Variants in TBC1D32 observed in about 807,000 individuals in gnomAD.
The protein encoded by TBC1D32 is TBC1 domain family member 32, also known as protein broad-minded.
A neutral mutation model predicts 170.3 loss-of-function variants in TBC1D32; 151 were observed. That is an observed-to-expected ratio of 0.89 (90% CI 0.78 to 1.01). The LOEUF is 1.01. Ranked by LOEUF, TBC1D32 falls within the 50% of genes least tolerant of loss-of-function variation. The probability of loss-of-function intolerance (pLI) is 0.00; values close to 1 mark genes in which losing one functional copy is unlikely to be tolerated. For synonymous variants in TBC1D32, 498 were observed against 488.0 expected (o/e 1.02, Z -0.27); for missense variants, 1,464 against 1,457.1 (o/e 1.00, Z -0.08).
Position 121,080,291 on chromosome 6 carries a change from C to T in TBC1D32, c.*480G>A. ...GGAGTACAGTGGCACAATCTTGGCT[C>T]ACTGCAACCTCCGCCTCCCGGGTTC... On this transcript the variant is annotated 3_prime_UTR_variant, in exon 32 of 32. Transcript: ENST00000398212. 4.1e-6 allele frequency: 1 copy of T among 242,996 alleles called. No homozygotes were observed. Among genetic ancestry groups the T allele is most frequent in the South Asian group, 4.0e-5 (1 of 25,114 alleles). The allele number at this position is 242,996 out of a possible 1,614,324, so 15.1% of individuals were successfully genotyped here.
chr6:121,216,919 G>A (rs1287319578), intron 21 of TBC1D32, among the ~76,000 whole-genome samples: 1 of 152,178 alleles, frequency 6.6e-6, no homozygotes, highest in Non-Finnish European at 1.5e-5. Flanking sequence ...TGTTGGGAAA[G>A]ATAAAATAGA....
chr6:121,227,674 A>C (rs1285796542), intron 20 of TBC1D32, among the ~76,000 whole-genome samples: 1 of 152,152 alleles, frequency 6.6e-6, no homozygotes, highest in Non-Finnish European at 1.5e-5. Context: ...TGATCATAAT[A>C]AATGGTCCTT....
At chr6:121,235,306 G>A (rs937877235) in intron 20 of TBC1D32, among the ~76,000 whole-genome samples, 11 of 152,124 alleles carry the variant, frequency 7.2e-5, no homozygotes, top group Non-Finnish European at 1.5e-4. Flanking sequence ...GGGCCATAGA[G>A]TTCCAAAGAG....
intron 24 of TBC1D32, among the ~76,000 whole-genome samples, chr6:121,141,955 T>C (rs1441878710): frequency 2.0e-5 from 3 of 152,226 alleles, no homozygotes; most frequent in Admixed American, 6.5e-5. Context: ...GGAGTTTATC[T>C]AGATAGCTTG....
At chr6:121,274,950 T>A (rs1802020544) in intron 15 of TBC1D32, among the ~76,000 whole-genome samples, 2 of 151,934 alleles carry the variant, frequency 1.3e-5, no homozygotes, top group African/African-American at 4.8e-5. Context: ...CTAAGTACAT[T>A]GAAAATTGTA....
chr6:121,125,236 G>C (rs112909525), intron 26 of TBC1D32, among the ~76,000 whole-genome samples: 1 of 152,166 alleles, frequency 6.6e-6, no homozygotes, highest in Non-Finnish European at 1.5e-5. Flanking sequence ...TACCCATCTA[G>C]AGAACATTCT....
intron 31 of TBC1D32, among the ~76,000 whole-genome samples, chr6:121,084,631 C>T (rs960840904): frequency 6.6e-6 from 1 of 152,010 alleles, no homozygotes; most frequent in African/African-American, 2.4e-5. Flanking sequence ...GAAAGCTATA[C>T]CAATACCTTG....
intron 24 of TBC1D32, among the ~76,000 whole-genome samples, chr6:121,142,092 A>G (rs1240984476): frequency 6.6e-6 from 1 of 152,232 alleles, no homozygotes; most frequent in Non-Finnish European, 1.5e-5. Context: ...TTAAATCTGT[A>G]CTAAATAAAT....
chr6:121,097,171 G>A (rs189048493), intron 30 of TBC1D32, among the ~76,000 whole-genome samples: 1 of 152,066 alleles, frequency 6.6e-6, no homozygotes, highest in Admixed American at 6.6e-5. Context: ...CAAAAGCAAT[G>A]GCAATAAAAG....
At chr6:121,104,233 A>G (rs952620333) in intron 30 of TBC1D32, among the ~76,000 whole-genome samples, 3 of 151,786 alleles carry the variant, frequency 2.0e-5, no homozygotes, top group African/African-American at 7.2e-5. Flanking sequence ...ATATTTTACT[A>G]TTAAGAAGTC....
chr6:121,129,616 A>G (rs1336838676), intron 25 of TBC1D32, among the ~76,000 whole-genome samples: 1 of 152,214 alleles, frequency 6.6e-6, no homozygotes, highest in African/African-American at 2.4e-5. Flanking sequence ...TGATTTTCCT[A>G]AAATAAACAT....
intron 4 of TBC1D32, among the ~76,000 whole-genome samples, chr6:121,309,497 A>C (rs989193167): frequency 2.0e-5 from 3 of 152,198 alleles, no homozygotes; most frequent in African/African-American, 4.8e-5. Context: ...GGAGTAAATC[A>C]CAACTATTCA....
At chr6:121,300,899 CAAAA>C (rs1697493638) in intron 9 of TBC1D32, among the ~76,000 whole-genome samples, 1 of 152,136 alleles carries the variant, frequency 6.6e-6, no homozygotes, top group Non-Finnish European at 1.5e-5. Flanking sequence ...AGACACTTCT[CAAAA>C]GAAGACATTT....
At chr6:121,160,553 A>G (rs1329331179) in intron 23 of TBC1D32, among the ~76,000 whole-genome samples, 1 of 151,714 alleles carries the variant, frequency 6.6e-6, no homozygotes, top group Non-Finnish European at 1.5e-5. Flanking sequence ...AGAAACCCAT[A>G]CTTGAATACT....
intron 22 of TBC1D32, among the ~76,000 whole-genome samples, chr6:121,168,392 A>G (rs2128249779): frequency 7.5e-6 from 1 of 133,424 alleles, no homozygotes. Context: ...ATAAAAAATG[A>G]TGAGTTCATG....
rs187236988 is a variant in TBC1D32, at chr6:121,150,315, T to A, written c.2773+9695A>T. On this transcript the variant is annotated intron_variant, in intron 24 of 31. Transcript: ENST00000398212. ...TATGTGATGGATTATATTTATTGAT[T>A]TGCATATGTTGAACCAGCCTTGCAT... 2.8e-3 allele frequency among the ~76,000 whole-genome samples: 432 copies of A among 152,354 alleles called. 2 individuals are homozygous for A. Among genetic ancestry groups the A allele is most frequent in the Non-Finnish European group, 4.8e-3 (328 of 68,030 alleles).
At chr6:121,297,039 T>C (rs889205059) in intron 10 of TBC1D32, among the ~76,000 whole-genome samples, 3 of 152,074 alleles carry the variant, frequency 2.0e-5, no homozygotes, top group Non-Finnish European at 4.4e-5. Context: ...TTATACTCTT[T>C]CCCTTATATT....
At chr6:121,135,367 G>C (rs1781939693) in intron 24 of TBC1D32, among the ~76,000 whole-genome samples, 2 of 152,090 alleles carry the variant, frequency 1.3e-5, no homozygotes, top group African/African-American at 4.8e-5. Context: ...CACGATGGAG[G>C]AACTAGGAAT....
intron 29 of TBC1D32, 185 bp downstream of exon 29, chr6:121,112,320 A>C (rs1281422486): frequency 4.5e-6 from 2 of 445,384 alleles, no homozygotes; most frequent in Non-Finnish European, 7.6e-6. Flanking sequence ...ATTAGGTAAG[A>C]CACCAAGTAT....
Sources: gnomAD v4.1 joint callset for allele counts (sites outside exome capture counted in the v4.1 genomes callset) on GRCh38, gnomAD v4.1.1 for gene constraint, MANE v1.5 for transcripts, NCBI Gene and HGNC (gene_info 2026-07-23, HGNC 2026-07-21) for gene names.